The following CDH13 variants were observed in gnomAD, a reference collection of about 807,000 sequenced individuals.
The protein encoded by CDH13 is cadherin-13.
CDH13 carries 24 observed loss-of-function variants against 63.8 expected under a neutral mutation model. That is an observed-to-expected ratio of 0.38 (90% CI 0.27 to 0.53). CDH13 has a LOEUF of 0.53. Among genes scored for constraint, CDH13 ranks in the 20% least tolerant of loss-of-function variants. The pLI, the probability that CDH13 is intolerant of heterozygous loss-of-function variation, is 0.85. For missense variants in CDH13, 1,049 were observed against 903.1 expected, an observed-to-expected ratio of 1.16 and a Z score of -2.07; for synonymous variants, 503 against 355.3, an observed-to-expected ratio of 1.42 and a Z score of -4.67.
chr16:82,647,040 C>G (rs1016944798), intron 1 of CDH13, among the ~76,000 whole-genome samples: 6 of 152,150 alleles, frequency 3.9e-5, no homozygotes, highest in African/African-American at 1.4e-4. Context: ...TCGCAGTACA[C>G]CATGACAGTT....
intron 1 of CDH13, among the ~76,000 whole-genome samples, chr16:82,727,909 A>T (rs1162697525): frequency 6.6e-6 from 1 of 152,128 alleles, no homozygotes; most frequent in Admixed American, 6.5e-5. Flanking sequence ...GAAACTCCTT[A>T]TGCATGTTCT....
intron 11 of CDH13, among the ~76,000 whole-genome samples, chr16:83,759,616 G>T (rs1261216163): frequency 6.6e-6 from 1 of 152,122 alleles, no homozygotes; most frequent in East Asian, 1.9e-4. Context: ...CAGAGTAGAA[G>T]ATATTTATAA....
intron 4 of CDH13, among the ~76,000 whole-genome samples, chr16:83,209,118 T>A (rs1281706716): frequency 6.6e-6 from 1 of 152,146 alleles, no homozygotes; most frequent in Non-Finnish European, 1.5e-5. Flanking sequence ...TATTGGATGC[T>A]TCCATACAGG....
intron 1 of CDH13, among the ~76,000 whole-genome samples, chr16:82,642,242 A>G (rs1007256010): frequency 2.0e-5 from 3 of 152,208 alleles, no homozygotes; most frequent in African/African-American, 7.2e-5. Flanking sequence ...TTGACACACA[A>G]TAGAGTTGCA....
chr16:83,485,209 T>C (rs777724807), intron 6 of CDH13, among the ~76,000 whole-genome samples: 2 of 152,234 alleles, frequency 1.3e-5, no homozygotes, highest in African/African-American at 2.4e-5. Context: ...ATAATTCAGC[T>C]AGAAATTTAT....
chr16:83,445,956 A>G (rs1567677864), intron 6 of CDH13, among the ~76,000 whole-genome samples: 1 of 152,184 alleles, frequency 6.6e-6, no homozygotes, highest in Non-Finnish European at 1.5e-5. Context: ...AGATTTCTAA[A>G]GCATTATCCC....
At chr16:83,515,346 G>T (rs1437344555) in intron 7 of CDH13, among the ~76,000 whole-genome samples, 3 of 152,166 alleles carry the variant, frequency 2.0e-5, no homozygotes, top group Non-Finnish European at 4.4e-5. Flanking sequence ...ACTTCTCTCT[G>T]CAGTAACTTT....
At chr16:83,493,954 G>A (rs1243458340) in intron 7 of CDH13, among the ~76,000 whole-genome samples, 1 of 152,186 alleles carries the variant, frequency 6.6e-6, no homozygotes, top group Non-Finnish European at 1.5e-5. Context: ...TCTAAATTCT[G>A]AGCTTGTTAA....
chr16:83,676,640 C>G (rs1567507951), intron 9 of CDH13, among the ~76,000 whole-genome samples: 1 of 152,216 alleles, frequency 6.6e-6, no homozygotes, highest in East Asian at 1.9e-4. Context: ...CCACTCAGCA[C>G]TAAGAGCTTT....
chr16:83,630,427 A>G (rs1006651508), intron 8 of CDH13, among the ~76,000 whole-genome samples: 3 of 152,186 alleles, frequency 2.0e-5, no homozygotes, highest in Admixed American at 6.5e-5. Flanking sequence ...TTAGGGACAC[A>G]TGAGATATCA....
At chr16:82,940,184 A>G (rs979485763) in intron 2 of CDH13, among the ~76,000 whole-genome samples, 1 of 152,196 alleles carries the variant, frequency 6.6e-6, no homozygotes, top group Non-Finnish European at 1.5e-5. Flanking sequence ...GACGCAGCCA[A>G]ACCATATCAG....
At chr16:82,750,806 C>A (rs1273802968) in intron 1 of CDH13, among the ~76,000 whole-genome samples, 4 of 151,988 alleles carry the variant, frequency 2.6e-5, no homozygotes, top group African/African-American at 7.2e-5. Context: ...ACAGCCTAGG[C>A]AAAGACTCTG....
intron 2 of CDH13, among the ~76,000 whole-genome samples, chr16:82,914,823 C>T (rs1289711820): frequency 2.0e-5 from 3 of 152,174 alleles, no homozygotes; most frequent in Non-Finnish European, 4.4e-5. Context: ...TTCTGCAGTT[C>T]ATTAATCAGA....
intron 1 of CDH13, among the ~76,000 whole-genome samples, chr16:82,685,106 A>C (rs12599112): frequency 0.062 from 9,407 of 152,284 alleles, 517 homozygotes; most frequent in East Asian, 0.27. Context: ...TTCTGGGAGA[A>C]ATGATCCAAT....
chr16:82,902,373 G>A (rs1179107281), intron 2 of CDH13, among the ~76,000 whole-genome samples: 3 of 149,152 alleles, frequency 2.0e-5, no homozygotes, highest in African/African-American at 7.5e-5. Flanking sequence ...CATGATAAAT[G>A]AAGCCAGGTT....
At chr16:82,700,951 A>ACCC (rs1287553502) in intron 1 of CDH13, among the ~76,000 whole-genome samples, 27 of 13,826 alleles carry the variant, frequency 2.0e-3, no homozygotes, top group Non-Finnish European at 3.1e-3. Flanking sequence ...AAGTGCTGGA[A>ACCC]CCCGCCCCCC....
At chr16:83,465,863 A>G (rs986614237) in intron 6 of CDH13, among the ~76,000 whole-genome samples, 1 of 152,156 alleles carries the variant, frequency 6.6e-6, no homozygotes, top group Non-Finnish European at 1.5e-5. Context: ...CTTCCATGCC[A>G]TTTTGGCACC....
chr16:83,422,567 C>T (rs1412482932), intron 6 of CDH13, among the ~76,000 whole-genome samples: 1 of 152,156 alleles, frequency 6.6e-6, no homozygotes, highest in Non-Finnish European at 1.5e-5. Flanking sequence ...AAAGCTCTTT[C>T]TGGTGTCTGG....
At chr16:83,123,813 A>G (rs961101873) in intron 3 of CDH13, among the ~76,000 whole-genome samples, 2 of 151,930 alleles carry the variant, frequency 1.3e-5, no homozygotes, top group Non-Finnish European at 2.9e-5. Flanking sequence ...ACTAATTTAC[A>G]CTCCCACCAA....
Sources: allele counts gnomAD v4.1 joint callset (sites outside exome capture counted in the v4.1 genomes callset), GRCh38; gene constraint gnomAD v4.1.1; transcripts MANE v1.5; gene names NCBI Gene and HGNC (gene_info 2026-07-23, HGNC 2026-07-21).